DOCK1: variants seen among roughly 807,000 people sequenced by gnomAD.
DOCK1 encodes dedicator of cytokinesis protein 1.
Under a neutral mutation model 262.7 loss-of-function variants are expected in DOCK1, and 138 were observed. The observed-to-expected ratio is 0.53, with a 90% CI of 0.46 to 0.61. The LOEUF is 0.61. Ranked by LOEUF, DOCK1 falls within the 20% of genes least tolerant of loss-of-function variation. The probability of loss-of-function intolerance (pLI) is 0.00; values close to 1 mark genes in which losing one functional copy is unlikely to be tolerated. For synonymous variants in DOCK1, 866 were observed against 867.4 expected, an observed-to-expected ratio of 1.00 and a Z score of 0.03; for missense variants, 1,908 against 2,370.7, an observed-to-expected ratio of 0.80 and a Z score of 4.05.
At chr10:127,410,760 C>A in intron 42 of DOCK1, 80 bp from the exon 43 acceptor site, 1 of 1,343,520 alleles carries the variant, frequency 7.4e-7, no homozygotes, top group Non-Finnish European at 1.0e-6. Context: ...GTGACATGTT[C>A]TAAGGCCAGA....
chr10:127,282,094 CTGG>C (rs2060981406), intron 29 of DOCK1, among the ~76,000 whole-genome samples: 1 of 152,148 alleles, frequency 6.6e-6, no homozygotes, highest in Non-Finnish European at 1.5e-5. Flanking sequence ...CAAAGCCATC[CTGG>C]GCCACATGTG....
At chr10:127,441,830 A>T (rs1262731259) in intron 49 of DOCK1, among the ~76,000 whole-genome samples, 18 of 151,946 alleles carry the variant, frequency 1.2e-4, no homozygotes, top group Non-Finnish European at 2.9e-5. Context: ...CATCATCAAC[A>T]ATTTCCTGAC....
chr10:127,059,887 G>A (rs533741241), intron 22 of DOCK1, among the ~76,000 whole-genome samples: 5 of 152,176 alleles, frequency 3.3e-5, no homozygotes, highest in Non-Finnish European at 7.3e-5. Flanking sequence ...ATGTAAAACT[G>A]TAGAAGCTTC....
intron 27 of DOCK1, chr10:127,137,548 G>T: frequency 3.3e-6 from 1 of 303,694 alleles, no homozygotes; most frequent in Non-Finnish European, 6.1e-6. Context: ...CTTGCAGATC[G>T]GGGGTGGGGG....
intron 1 of DOCK1, among the ~76,000 whole-genome samples, chr10:126,937,667 G>A (rs2034647201): frequency 6.6e-6 from 1 of 151,812 alleles, no homozygotes; most frequent in Non-Finnish European, 1.5e-5. Flanking sequence ...TTGGAGAAAT[G>A]TTTATTCAAG....
At chr10:127,282,942 T>C (rs2061015136) in intron 29 of DOCK1, among the ~76,000 whole-genome samples, 1 of 152,240 alleles carries the variant, frequency 6.6e-6, no homozygotes, top group Admixed American at 6.5e-5. Context: ...CCATTCTCTT[T>C]TCTCCCACCA....
In DOCK1 at chr10:127,248,020, G is replaced by A; in HGVS notation, c.2860G>A (p.Ala954Thr). The A allele has an allele frequency of 6.2e-7, 1 of 1,613,872 alleles. No homozygotes were observed. The highest frequency in any genetic ancestry group is 8.5e-7 in the Non-Finnish European group (1 of 1,179,878). The change falls in exon 28 of 52, where the codon GCT (alanine) becomes ACT (threonine). Residue 954 changes from alanine to threonine, a missense_variant. This residue lies in a region of DOCK1 where 518 missense variants were observed against 575.1 expected (regional missense o/e 0.90). Transcript: ENST00000623213. ...GATTCATTTACAGGGAAACTTCGTG[G>A]CTTGCATGACAGCTATTTTACGACA... ...RDSELIGNFV[A>T]CMTAILRQME...
intron 50 of DOCK1, among the ~76,000 whole-genome samples, chr10:127,445,086 T>C (rs2070449453): frequency 6.6e-6 from 1 of 152,098 alleles, no homozygotes; most frequent in Admixed American, 6.5e-5. Context: ...CATTCTGAGG[T>C]TCTGGGTGGC....
At chr10:127,387,904 G>A (rs1423509794) in intron 38 of DOCK1, among the ~76,000 whole-genome samples, 1 of 146,422 alleles carries the variant, frequency 6.8e-6, no homozygotes, top group African/African-American at 2.5e-5. Flanking sequence ...TTCCTACATT[G>A]TGATAGTTCA....
chr10:127,016,761 A>C (rs1242611355), intron 12 of DOCK1, among the ~76,000 whole-genome samples: 1 of 150,826 alleles, frequency 6.6e-6, no homozygotes, highest in Non-Finnish European at 1.5e-5. Context: ...ACACAGATAT[A>C]AACACCACAA....
At chr10:127,380,053 T>C (rs377103531) in intron 35 of DOCK1, 29 bp from the exon 36 acceptor site, 19 of 1,438,136 alleles carry the variant, frequency 1.3e-5, no homozygotes, top group Non-Finnish European at 1.5e-5. Flanking sequence ...ACAGATTTCT[T>C]AAAACAGTAT....
In DOCK1 at chr10:127,293,113, G is replaced by C. The variant is rs771686220; in HGVS notation, c.3044+35684G>C. ...GGAGAGGAGGGGGCTGTTGTAGGGT[G>C]CCGTGGAGGACTCATACATGATCCT... On this transcript the variant is annotated intron_variant, in intron 29 of 51. Transcript: ENST00000623213. Among the ~76,000 whole-genome samples, 66 of 152,274 alleles carry C rather than the reference G, an allele frequency of 4.3e-4. 1 individual carries two copies. The highest frequency in any genetic ancestry group is 8.7e-4 in the Non-Finnish European group (59 of 68,028).
At chr10:127,266,664 C>T (rs1221595059) in intron 29 of DOCK1, among the ~76,000 whole-genome samples, 1 of 152,048 alleles carries the variant, frequency 6.6e-6, no homozygotes, top group Non-Finnish European at 1.5e-5. Flanking sequence ...GCCAGGTGCT[C>T]ACGATGAGAT....
At chr10:126,937,636 A>G (rs902262439) in intron 1 of DOCK1, among the ~76,000 whole-genome samples, 2 of 149,490 alleles carry the variant, frequency 1.3e-5, no homozygotes, top group African/African-American at 5.0e-5. Context: ...TCATGAGCTT[A>G]TTGATCATTT....
At chr10:127,002,791 A>C (rs960599051) in intron 10 of DOCK1, among the ~76,000 whole-genome samples, 3 of 151,602 alleles carry the variant, frequency 2.0e-5, no homozygotes, top group African/African-American at 4.9e-5. Flanking sequence ...TCACATGGAC[A>C]CCCCCTTTGG....
At position 127,312,277 on chromosome 10, in the gene DOCK1, C is replaced by T. The variant is rs960731715; in HGVS notation, c.3045-26729C>T. On this transcript the variant is annotated intron_variant, in intron 29 of 51. Transcript: ENST00000623213. ...TGAGAGGCAGTGTCCATAGAAATAG[C>T]GGTGATGATCACCAGGCTCTCCAGT... Among the ~76,000 whole-genome samples, 10 of 152,146 alleles carry T rather than the reference C, an allele frequency of 6.6e-5. No homozygotes were observed. The East Asian group carries it at 1.5e-3, about 24-fold the overall frequency.
chr10:127,282,703 G>A (rs1232375946), intron 29 of DOCK1, among the ~76,000 whole-genome samples: 1 of 152,220 alleles, frequency 6.6e-6, no homozygotes, highest in South Asian at 2.1e-4. Context: ...TTTTCCTCTT[G>A]GTTGGGTAAC....
intron 38 of DOCK1, among the ~76,000 whole-genome samples, chr10:127,391,319 G>T (rs964373082): frequency 1.3e-5 from 2 of 152,126 alleles, no homozygotes; most frequent in Non-Finnish European, 2.9e-5. Context: ...TGACTTGGGA[G>T]TTCTCACATG....
rs1355201550 is a variant in DOCK1, at chr10:127,381,286, A to G, written c.3725A>G (p.Tyr1242Cys). The G allele has an allele frequency of 1.9e-6, 3 of 1,610,772 alleles. No homozygotes were observed. The highest frequency in any genetic ancestry group is 1.3e-5 in the African/African-American group (1 of 74,920). ...EREEMYIRYLYKLCDLHKECD... is the reference protein window; with the variant it reads ...EREEMYIRYLCKLCDLHKECD... ...CTGTTTTATTGTCTCAGGTATTTGT[A>G]CAAGCTCTGTGACCTGCACAAGGAG... Residue 1242 changes from tyrosine (Y) to cysteine (C), a missense_variant, in exon 37 of 52, where the codon TAC becomes TGC. Tyr to Cys is a radical substitution (Grantham distance 194). This residue lies in a region of DOCK1 where 267 missense variants were observed against 366.3 expected (regional missense o/e 0.73). Coordinates refer to ENST00000623213, the MANE Select transcript of DOCK1 (RefSeq NM_001290223.2).
Sources: allele counts gnomAD v4.1 joint callset (sites outside exome capture counted in the v4.1 genomes callset), GRCh38; gene constraint gnomAD v4.1.1; regional missense constraint gnomAD v4.1.1; transcripts MANE v1.5; gene names NCBI Gene and HGNC (gene_info 2026-07-23, HGNC 2026-07-21).